STPG2: variants seen among roughly 807,000 people sequenced by gnomAD.
STPG2 encodes the protein sperm tail PG-rich repeat containing 2.
STPG2 carries 56 observed loss-of-function variants against 54.2 expected under a neutral mutation model. The ratio of observed to expected loss-of-function variants is 1.03; its 90% CI spans 0.83 to 1.29. The LOEUF (loss-of-function observed/expected upper bound fraction) is 1.29. STPG2 is among the 50% of genes most tolerant of loss of function. STPG2 has a pLI of 0.00. For synonymous variants in STPG2, 200 were observed against 181.8 expected (o/e 1.10, Z -0.81); for missense variants, 596 against 544.9 (o/e 1.09, Z -0.93).
chr4:98,120,683 T>C (rs997519151), intron 3 of STPG2, among the ~76,000 whole-genome samples: 1 of 152,238 alleles, frequency 6.6e-6, no homozygotes. Flanking sequence ...TTTTTGTATA[T>C]GCTTGTTGGC....
At chr4:97,874,380 C>G (rs901085174) in intron 8 of STPG2, among the ~76,000 whole-genome samples, 4 of 151,646 alleles carry the variant, frequency 2.6e-5, no homozygotes, top group African/African-American at 9.7e-5. Context: ...AATTGACATA[C>G]AGTAAACTTC....
rs532397671 is a variant in STPG2 at position 97,723,055 on chromosome 4, G to T, written c.1205-10241C>A. Reference sequence around the variant, plus strand: ...TCTCCATCTCCTGACCTCTTGATCCGCCAGCCTCGGCCTCCTAAAGTGCTG... The same window carrying T: ...TCTCCATCTCCTGACCTCTTGATCCTCCAGCCTCGGCCTCCTAAAGTGCTG... On this transcript the variant is annotated intron_variant, in intron 9 of 10. Transcript: ENST00000295268. Among the ~76,000 whole-genome samples the T allele has an allele frequency of 9.0e-4, 132 of 146,158 alleles. 1 individual carries two copies. The highest frequency in any genetic ancestry group is 1.2e-3 in the Admixed American group (17 of 14,084).
At chr4:98,008,151 A>G (rs947797456) in intron 5 of STPG2, among the ~76,000 whole-genome samples, 1 of 152,180 alleles carries the variant, frequency 6.6e-6, no homozygotes, top group Non-Finnish European at 1.5e-5. Flanking sequence ...TACAGTTATC[A>G]GGCTGTCATT....
chr4:97,896,918 T>G (rs1408235497), intron 8 of STPG2, among the ~76,000 whole-genome samples: 6 of 151,822 alleles, frequency 4.0e-5, no homozygotes, highest in Non-Finnish European at 5.9e-5. Context: ...ATTTAACTTT[T>G]ATTTTAAGTT....
chr4:98,018,093 T>C (rs1407628771), intron 5 of STPG2, among the ~76,000 whole-genome samples: 1 of 152,164 alleles, frequency 6.6e-6, no homozygotes, highest in Non-Finnish European at 1.5e-5. Context: ...TATGTATACA[T>C]GTGCCATGTT....
chr4:98,143,216 A>T lies in STPG2; in HGVS notation c.-66T>A. ...CGAAAACGATAAAAACAAGGTAGCT[A>T]GAAGTGTGGAGAAAAAGGAAGCCGA... On this transcript the variant is annotated 5_prime_UTR_variant, in exon 1 of 11. The change abolishes the stop of an existing upstream ORF in the 5' untranslated region. Transcript: ENST00000295268. 7.9e-7 allele frequency: 1 copy of T among 1,259,266 alleles called. No individual in the cohort carries two copies. Among genetic ancestry groups the T allele is most frequent in the African/African-American group, 1.5e-5 (1 of 67,004 alleles). 78.0% of individuals were successfully genotyped at this position (1,259,266 alleles called of 1,614,324 possible). A position where few individuals can be genotyped will look rare whatever the true frequency, so the allele number is the denominator to read the frequency against.
Position 97,443,872 on chromosome 4 carries a change from G to T in STPG2, c.463-256039C>A, listed in dbSNP as rs115247209. ...AAACTAAAACATAAGCAGAACCAAAGGTGAATTAGAGTTGGAGATATCTAT... is the reference window on the plus strand; with the variant it reads ...AAACTAAAACATAAGCAGAACCAAATGTGAATTAGAGTTGGAGATATCTAT... On this transcript the variant is annotated intron_variant, in intron 4 of 4. Coordinates refer to the STPG2 transcript ENST00000522676. 5.3e-3 allele frequency among the ~76,000 whole-genome samples: 804 copies of T among 152,146 alleles called. 5 individuals carry two copies. The highest frequency in any genetic ancestry group is 0.018 in the African/African-American group (763 of 41,510).
intron 4 of STPG2, among the ~76,000 whole-genome samples, chr4:97,544,910 G>A (rs1731801230): frequency 6.6e-6 from 1 of 152,110 alleles, no homozygotes; most frequent in South Asian, 2.1e-4. Context: ...GGAGAGAAAG[G>A]AGTTAAGGAA....
intron 9 of STPG2, among the ~76,000 whole-genome samples, chr4:97,721,387 T>C (rs895566699): frequency 1.3e-5 from 2 of 152,112 alleles, no homozygotes; most frequent in Admixed American, 6.6e-5. Flanking sequence ...TAAGAGGAAG[T>C]TGGTTATTCA....
At chr4:97,559,767 C>A (rs1732176334) in intron 10 of STPG2, among the ~76,000 whole-genome samples, 1 of 152,184 alleles carries the variant, frequency 6.6e-6, no homozygotes, top group Non-Finnish European at 1.5e-5. Flanking sequence ...CCTAAGTTAT[C>A]TTACCTGTAA....
At chr4:97,582,083 C>T (rs937547075) in intron 10 of STPG2, among the ~76,000 whole-genome samples, 1 of 151,962 alleles carries the variant, frequency 6.6e-6, no homozygotes, top group Non-Finnish European at 1.5e-5. Flanking sequence ...TCTGCAGCTA[C>T]ATTCAACACT....
intron 4 of STPG2, among the ~76,000 whole-genome samples, chr4:97,550,029 A>T (rs543549856): frequency 9.2e-5 from 14 of 152,252 alleles, no homozygotes; most frequent in Non-Finnish European, 1.9e-4. Context: ...ATCTTGTCAC[A>T]TTTAATATCA....
chr4:97,622,454 A>G (rs1303448520), intron 10 of STPG2, among the ~76,000 whole-genome samples: 1 of 152,164 alleles, frequency 6.6e-6, no homozygotes, highest in African/African-American at 2.4e-5. Flanking sequence ...AGTGTAAAAA[A>G]ACAGCATTCC....
chr4:97,649,818 A>G (rs1362119816), intron 10 of STPG2, among the ~76,000 whole-genome samples: 2 of 152,080 alleles, frequency 1.3e-5, no homozygotes, highest in African/African-American at 4.8e-5. Context: ...TTTTCCACAG[A>G]CCAGGGGGGA....
At chr4:98,110,914 T>C (rs1046177773) in intron 3 of STPG2, among the ~76,000 whole-genome samples, 5 of 151,230 alleles carry the variant, frequency 3.3e-5, no homozygotes, top group Non-Finnish European at 7.4e-5. Flanking sequence ...GACAAAAGCA[T>C]AATTTCAGTA....
chr4:97,903,891 C>T lies in STPG2; in HGVS notation c.1044+40006G>A, dbSNP rs534087311. Among the ~76,000 whole-genome samples, 518 of 152,292 alleles carry T rather than the reference C, an allele frequency of 3.4e-3. 2 individuals are homozygous for T. The highest frequency in any genetic ancestry group is 0.012 in the African/African-American group (490 of 41,570). ...CCACCCGAATACTGCGCTTTTCCAA[C>T]GGGCTTAAAAAATGGCGCACCACGA... On this transcript the variant is annotated intron_variant, in intron 8 of 10. Transcript: ENST00000295268.
At chr4:98,068,485 A>G (rs546080258) in intron 5 of STPG2, among the ~76,000 whole-genome samples, 81 of 152,276 alleles carry the variant, frequency 5.3e-4, no homozygotes, top group Middle Eastern at 3.4e-3. Flanking sequence ...AAATTATTGA[A>G]TGAAACGCAA....
At chr4:97,758,353 C>T (rs1725791864) in intron 9 of STPG2, among the ~76,000 whole-genome samples, 1 of 152,074 alleles carries the variant, frequency 6.6e-6, no homozygotes, top group Non-Finnish European at 1.5e-5. Flanking sequence ...TTTACAATAG[C>T]AAAGACTTGG....
intron 9 of STPG2, among the ~76,000 whole-genome samples, chr4:97,755,169 A>AG (rs1182970292): frequency 6.6e-6 from 1 of 152,174 alleles, no homozygotes; most frequent in Non-Finnish European, 1.5e-5. Flanking sequence ...AATAACTAAT[A>AG]AACAGGCATC....
Sources: allele counts gnomAD v4.1 joint callset (sites outside exome capture counted in the v4.1 genomes callset), GRCh38; gene constraint gnomAD v4.1.1; transcripts MANE v1.5; gene names NCBI Gene and HGNC (gene_info 2026-07-23, HGNC 2026-07-21).